The following SKAP1 variants were observed in gnomAD, a reference collection of about 807,000 sequenced individuals.
SKAP1 encodes src kinase associated phosphoprotein 1.
Under a neutral mutation model 58.5 loss-of-function variants are expected in SKAP1, and 44 were observed. The observed-to-expected ratio is 0.75, with a 90% confidence interval of 0.59 to 0.97. The LOEUF is 0.97. Among genes scored for constraint, SKAP1 ranks in the 50% least tolerant of loss-of-function variants. The probability of loss-of-function intolerance (pLI) is 0.00; values close to 1 mark genes in which losing one functional copy is unlikely to be tolerated. For missense variants in SKAP1, 390 were observed against 435.2 expected (o/e 0.90, Z 0.92); for synonymous variants, 127 against 149.7 (o/e 0.85, Z 1.11).
At chr17:48,172,173 C>G (rs1473843069) in intron 9 of SKAP1, among the ~76,000 whole-genome samples, 3 of 152,122 alleles carry the variant, frequency 2.0e-5, no homozygotes, top group Non-Finnish European at 4.4e-5. Context: ...TTTTATGTTC[C>G]TAGTACTTGG....
At chr17:48,159,743 C>T (rs2064041863) in intron 11 of SKAP1, among the ~76,000 whole-genome samples, 1 of 152,168 alleles carries the variant, frequency 6.6e-6, no homozygotes, top group African/African-American at 2.4e-5. Context: ...ATTTGTGCTT[C>T]TTAGAAGCAA....
At chr17:48,143,873 CT>C (rs1491002236) in intron 11 of SKAP1, among the ~76,000 whole-genome samples, 11 of 152,320 alleles carry the variant, frequency 7.2e-5, no homozygotes, top group Admixed American at 2.0e-4. Flanking sequence ...TGTAGCACCC[CT>C]CTTTAGTCGT....
intron 7 of SKAP1, among the ~76,000 whole-genome samples, chr17:48,183,772 T>A (rs192732200): frequency 3.9e-5 from 6 of 152,148 alleles, no homozygotes; most frequent in Middle Eastern, 3.4e-3. Context: ...TTTCAAAAAA[T>A]TTCTGGAAAT....
chr17:48,326,056 A>T (rs1180143811), intron 4 of SKAP1, among the ~76,000 whole-genome samples: 1 of 152,256 alleles, frequency 6.6e-6, no homozygotes, highest in Admixed American at 6.5e-5. Flanking sequence ...ACGTAAATCT[A>T]CAAGTTATAA....
intron 4 of SKAP1, among the ~76,000 whole-genome samples, chr17:48,272,881 T>A (rs9914154): frequency 0.092 from 13,984 of 152,242 alleles, 979 homozygotes; most frequent in African/African-American, 0.17. Context: ...TTTCATAAAT[T>A]TCAATGTCAA....
intron 1 of SKAP1, among the ~76,000 whole-genome samples, chr17:48,419,868 A>G (rs1438458957): frequency 1.3e-5 from 2 of 152,198 alleles, no homozygotes; most frequent in Admixed American, 1.3e-4. Flanking sequence ...CCTAAATGAG[A>G]ATTCAAATAA....
intron 1 of SKAP1, among the ~76,000 whole-genome samples, chr17:48,398,560 T>C (rs925854069): frequency 6.6e-6 from 1 of 152,174 alleles, no homozygotes; most frequent in Non-Finnish European, 1.5e-5. Flanking sequence ...AAAAATTGTC[T>C]TCCATGAAAC....
At chr17:48,253,682 G>C (rs997611475) in intron 4 of SKAP1, among the ~76,000 whole-genome samples, 1 of 151,824 alleles carries the variant, frequency 6.6e-6, no homozygotes, top group Non-Finnish European at 1.5e-5. Context: ...TCTTCTATAC[G>C]ACTGTGGAAG....
At chr17:48,443,670 T>C in the SKAP1 span, among the ~76,000 whole-genome samples, 4 of 152,310 alleles carry the variant, frequency 2.6e-5, no homozygotes, top group East Asian at 7.7e-4. Flanking sequence ...GAGACAGGGT[T>C]TCTCCATGTT....
chr17:48,175,461 A>G (rs1039754739), intron 9 of SKAP1, among the ~76,000 whole-genome samples: 9 of 152,344 alleles, frequency 5.9e-5, no homozygotes, highest in African/African-American at 1.7e-4. Context: ...ATCAGACAAC[A>G]TGCAAAATAC....
At chr17:48,440,583 C>T in the SKAP1 span, among the ~76,000 whole-genome samples, 1 of 152,208 alleles carries the variant, frequency 6.6e-6, no homozygotes, top group East Asian at 1.9e-4. Context: ...TAACCTCCAA[C>T]TTTCAACATC....
At chr17:48,195,803 T>C (rs1226783184) in intron 4 of SKAP1, among the ~76,000 whole-genome samples, 1 of 152,212 alleles carries the variant, frequency 6.6e-6, no homozygotes, top group Non-Finnish European at 1.5e-5. Context: ...AGACTCATGT[T>C]GCCCTTCTAA....
intron 4 of SKAP1, among the ~76,000 whole-genome samples, chr17:48,227,857 C>T (rs1231878726): frequency 1.3e-5 from 2 of 152,118 alleles, no homozygotes; most frequent in African/African-American, 4.8e-5. Flanking sequence ...TCAGTTTTAT[C>T]TTATAAGGTT....
intron 3 of SKAP1, among the ~76,000 whole-genome samples, chr17:48,356,456 T>TA (rs990786380): frequency 7.9e-5 from 12 of 152,292 alleles, no homozygotes; most frequent in Middle Eastern, 3.4e-3. Flanking sequence ...CAGGAAGGCA[T>TA]ATAATGAAAG....
chr17:48,332,033 T>C (rs1050747808), intron 4 of SKAP1, among the ~76,000 whole-genome samples: 1 of 152,290 alleles, frequency 6.6e-6, no homozygotes, highest in Non-Finnish European at 1.5e-5. Flanking sequence ...TCCTTACTGA[T>C]TCTAAGTAGA....
intron 4 of SKAP1, among the ~76,000 whole-genome samples, chr17:48,215,384 C>A (rs2064926218): frequency 6.6e-6 from 1 of 152,142 alleles, no homozygotes; most frequent in Non-Finnish European, 1.5e-5. Flanking sequence ...TGTGATTTGG[C>A]TTTTGTGAAA....
At chr17:48,349,018 T>G (rs1023381952) in intron 3 of SKAP1, among the ~76,000 whole-genome samples, 1 of 152,218 alleles carries the variant, frequency 6.6e-6, no homozygotes, top group Non-Finnish European at 1.5e-5. Context: ...GATGTTGTTA[T>G]AAGTGTTTTT....
chr17:48,180,089 T>G lies in SKAP1; in HGVS notation c.791A>C (p.Glu264Ala). 6.2e-7 allele frequency: 1 copy of G among 1,600,978 alleles called. No individual in the cohort carries two copies. Reference protein sequence around the residue: ...GSVGIKEPTEEKEEEDIYEVL... With the variant: ...GSVGIKEPTEAKEEEDIYEVL... ...TTCATAAATATCTTCTTCTTCTTTC[T>G]CCTCTGTAGGCTCTTTTATCCCCAC... Residue 264 changes from glutamate to alanine, a missense_variant, in exon 9 of 13, where the codon GAG becomes GCG. Glu to Ala is a moderately radical substitution (Grantham distance 107). Coordinates refer to ENST00000336915, the MANE Select transcript of SKAP1 (RefSeq NM_003726.4).
intron 4 of SKAP1, among the ~76,000 whole-genome samples, chr17:48,196,495 C>T (rs1341457399): frequency 2.0e-5 from 3 of 152,084 alleles, no homozygotes; most frequent in Non-Finnish European, 4.4e-5. Flanking sequence ...TATGAATAAT[C>T]TGTCATCCAG....
Sources: allele counts gnomAD v4.1 joint callset (sites outside exome capture counted in the v4.1 genomes callset), GRCh38; gene constraint gnomAD v4.1.1; transcripts MANE v1.5; gene names NCBI Gene and HGNC (gene_info 2026-07-23, HGNC 2026-07-21).